JPH3: variants seen among roughly 807,000 people sequenced by gnomAD.
JPH3 encodes the protein junctophilin-3.
JPH3 carries 11 observed loss-of-function variants against 59.6 expected under a neutral mutation model. The observed-to-expected ratio is 0.18, with a 90% CI of 0.12 to 0.31. The LOEUF is 0.31. Ranked by LOEUF, JPH3 falls within the 10% of genes least tolerant of loss-of-function variation. The pLI, the probability that JPH3 is intolerant of heterozygous loss-of-function variation, is 1.00. For missense variants in JPH3, 1,202 were observed against 1,105.7 expected (o/e 1.09, Z -1.24); for synonymous variants, 673 against 483.6 (o/e 1.39, Z -5.14).
At position 87,689,781 on chromosome 16, in the gene JPH3, A is replaced by G. The variant is rs1221040742; in HGVS notation, c.1421A>G (p.Asp474Gly). The change falls in exon 4 of 5, where the codon GAC becomes GGC. Residue 474 changes from aspartate (D) to glycine (G), a missense_variant. Asp to Gly is a moderately conservative substitution (Grantham distance 94). Coordinates refer to ENST00000284262, the MANE Select transcript of JPH3 (RefSeq NM_020655.4). ...ACTCCCTCCGACCTGACCCCCGACG[A>G]CAGCCCCCTGCAGAGCTTCCCCACC... ...GTTPSDLTPD[D>G]SPLQSFPTSP... 1 of 1,608,218 alleles carries G rather than the reference A, an allele frequency of 6.2e-7. No homozygotes were observed. The highest frequency in any genetic ancestry group is 1.3e-5 in the African/African-American group (1 of 74,758).
chr16:87,672,640 C>G (rs913337873), intron 2 of JPH3, among the ~76,000 whole-genome samples: 3 of 152,192 alleles, frequency 2.0e-5, no homozygotes, highest in Non-Finnish European at 2.9e-5. Context: ...CTGATTGGTG[C>G]GGGTGACGAG....
chr16:87,646,179 C>T (rs989538876), intron 2 of JPH3, among the ~76,000 whole-genome samples: 5 of 152,216 alleles, frequency 3.3e-5, no homozygotes, highest in Non-Finnish European at 7.3e-5. Context: ...AGCCTGGGTG[C>T]GGCTCAGCCC....
At chr16:87,608,773 A>T (rs1431973131) in intron 1 of JPH3, among the ~76,000 whole-genome samples, 2 of 152,194 alleles carry the variant, frequency 1.3e-5, no homozygotes, top group Non-Finnish European at 2.9e-5. Context: ...TGTGGGGGCC[A>T]CGCCTGCGAT....
Position 87,644,860 on chromosome 16 carries a change from C to G in JPH3, c.985C>G (p.Pro329Ala), listed in dbSNP as rs1319951040. 6.2e-7 allele frequency: 1 copy of G among 1,613,344 alleles called. No individual in the cohort carries two copies. Among genetic ancestry groups the G allele is most frequent in the Admixed American group, 1.7e-5 (1 of 59,992 alleles). ...RRHGYGCMTF[P>A]DGTKEEGKYK... ...CCATGGCTACGGCTGCATGACCTTC[C>G]CGGACGGCACCAAGGAGGAGGGCAA... Residue 329 changes from proline to alanine, a missense_variant, in exon 2 of 5, where the codon CCG becomes GCG. Pro to Ala is a conservative substitution (Grantham distance 27). Coordinates refer to ENST00000284262, the MANE Select transcript of JPH3 (RefSeq NM_020655.4).
intron 2 of JPH3, among the ~76,000 whole-genome samples, chr16:87,661,420 G>C (rs2032698778): frequency 6.6e-6 from 1 of 152,200 alleles, no homozygotes; most frequent in Non-Finnish European, 1.5e-5. Flanking sequence ...CTCTCCTCTG[G>C]GCCTGCCCTT....
At chr16:87,627,767 A>G (rs2031430444) in intron 1 of JPH3, among the ~76,000 whole-genome samples, 1 of 152,222 alleles carries the variant, frequency 6.6e-6, no homozygotes, top group African/African-American at 2.4e-5. Context: ...ATCCGAGCTC[A>G]GATTTGCCCG....
At chr16:87,608,848 G>A (rs1189086738) in intron 1 of JPH3, among the ~76,000 whole-genome samples, 2 of 152,144 alleles carry the variant, frequency 1.3e-5, no homozygotes, top group African/African-American at 4.8e-5. Flanking sequence ...ACCAGCCTGG[G>A]CAACATTGTG....
At chr16:87,617,837 G>A (rs986350334) in intron 1 of JPH3, among the ~76,000 whole-genome samples, 6 of 152,112 alleles carry the variant, frequency 3.9e-5, no homozygotes, top group Non-Finnish European at 7.4e-5. Flanking sequence ...GGAAGGGGCG[G>A]GGCATCTCCC....
intron 1 of JPH3, among the ~76,000 whole-genome samples, chr16:87,629,573 G>A (rs2031495444): frequency 6.6e-6 from 1 of 152,088 alleles, no homozygotes; most frequent in Non-Finnish European, 1.5e-5. Flanking sequence ...GGTGCTCAGC[G>A]GGATAAGCCC....
chr16:87,690,718 C>T (rs966341495), intron 4 of JPH3, among the ~76,000 whole-genome samples, 192 bp downstream of exon 4: 2 of 152,190 alleles, frequency 1.3e-5, no homozygotes, highest in African/African-American at 4.8e-5. Context: ...CCAGGTGGGG[C>T]AGGTGTCATA....
At chr16:87,670,351 G>A (rs1382565195) in intron 2 of JPH3, among the ~76,000 whole-genome samples, 1 of 152,218 alleles carries the variant, frequency 6.6e-6, no homozygotes, top group Admixed American at 6.5e-5. Context: ...GCCTCTGCAG[G>A]GTGGGTGGGG....
chr16:87,622,107 G>T (rs113903317), intron 1 of JPH3, among the ~76,000 whole-genome samples: 48,438 of 151,806 alleles, frequency 0.32, 8,010 homozygotes, highest in African/African-American at 0.37. Context: ...GTCAGGGGGG[G>T]GCCCCTTTGG....
intron 3 of JPH3, among the ~76,000 whole-genome samples, chr16:87,687,504 A>T (rs1457672232): frequency 2.0e-5 from 3 of 152,150 alleles, no homozygotes; most frequent in Non-Finnish European, 1.5e-5. Flanking sequence ...TGAAGGCAGG[A>T]CCATGAAGGA....
chr16:87,695,805 G>A (rs2033815164), intron 4 of JPH3: 1 of 456,060 alleles, frequency 2.2e-6, no homozygotes. Context: ...CCCGGAAAAG[G>A]CTCTGTTGTG....
chr16:87,695,132 CCAGCAG>C (rs981318284), intron 4 of JPH3: 1 of 361,236 alleles, frequency 2.8e-6, no homozygotes, highest in East Asian at 7.3e-5. Flanking sequence ...GGGAGAGGAG[CCAGCAG>C]CAGCTGCTTC....
At chr16:87,620,475 A>AGAG (rs1370183487) in intron 1 of JPH3, among the ~76,000 whole-genome samples, 6 of 119,154 alleles carry the variant, frequency 5.0e-5, no homozygotes, top group Non-Finnish European at 3.5e-5. Context: ...GGAGAGAAGG[A>AGAG]GAGAAGAGAG....
intron 1 of JPH3, among the ~76,000 whole-genome samples, chr16:87,610,129 C>T (rs902279600): frequency 2.0e-5 from 3 of 152,196 alleles, no homozygotes; most frequent in Non-Finnish European, 4.4e-5. Context: ...GAATCTAATG[C>T]TGCTGCTGAT....
rs141245236 is a variant in JPH3, at chr16:87,680,853, T to G, written c.1161-3289T>G. Among the ~76,000 whole-genome samples the G allele has an allele frequency of 7.9e-3, 1,206 of 152,326 alleles. 18 individuals carry two copies. Among genetic ancestry groups the G allele is most frequent in the African/African-American group, 0.027 (1,142 of 41,574 alleles). Reference sequence around the variant, plus strand: ...TCGTCTTTTTATATACGTGTGAACGTATATATGTAAACACACGTATGATGT... The same window carrying G: ...TCGTCTTTTTATATACGTGTGAACGGATATATGTAAACACACGTATGATGT... On this transcript the variant is annotated intron_variant, in intron 2 of 4. Coordinates refer to ENST00000284262, the MANE Select transcript of JPH3 (RefSeq NM_020655.4).
At chr16:87,623,750 G>A (rs1002248457) in intron 1 of JPH3, among the ~76,000 whole-genome samples, 1 of 152,134 alleles carries the variant, frequency 6.6e-6, no homozygotes, top group African/African-American at 2.4e-5. Flanking sequence ...ACAACGCATG[G>A]GCCACAAGGA....
Sources: allele counts gnomAD v4.1 joint callset (sites outside exome capture counted in the v4.1 genomes callset), GRCh38; gene constraint gnomAD v4.1.1; transcripts MANE v1.5; gene names NCBI Gene and HGNC (gene_info 2026-07-23, HGNC 2026-07-21).